PSMD8: variants seen among roughly 807,000 people sequenced by gnomAD.
PSMD8 encodes the protein proteasome 26S subunit, non-ATPase 8.
In PSMD8, 30 loss-of-function variants were observed where a neutral mutation model predicts 40.0. The observed-to-expected ratio is 0.75, with a 90% confidence interval of 0.56 to 1.02. The LOEUF is 1.02. PSMD8 is among the 50% of genes least tolerant of loss of function. The pLI, the probability that PSMD8 is intolerant of heterozygous loss-of-function variation, is 0.00. For missense variants in PSMD8, 461 were observed against 463.9 expected, an observed-to-expected ratio of 0.99 and a Z score of 0.06; for synonymous variants, 208 against 192.5, an observed-to-expected ratio of 1.08 and a Z score of -0.67.
At chr19:38,383,227 C>G in intron 6 of PSMD8, 26 bp from the exon 7 acceptor site, 3 of 1,611,964 alleles carry the variant, frequency 1.9e-6, no homozygotes, top group Non-Finnish European at 1.7e-6. Context: ...TCACTCTACT[C>G]GTCTCTAATC....
chr19:38,383,227 C>A lies in PSMD8; in HGVS notation c.916-26C>A, dbSNP rs140221696. On this transcript the variant is annotated intron_variant, in intron 6 of 6. Coordinates refer to ENST00000215071, the MANE Select transcript of PSMD8 (RefSeq NM_002812.5). ...ATGGAGCCTTTGTGATCACTCTACT[C>A]GTCTCTAATCCCTCCTTTCCTGCAG... is the stretch of plus-strand genomic sequence containing the variant. 1.3e-3 allele frequency: 2,148 copies of A among 1,611,960 alleles called. 30 individuals carry two copies. In the African/African-American group the frequency reaches 0.025, roughly 19 times the overall value.
chr19:38,382,367 G>A (rs1970648161), intron 6 of PSMD8, 139 bp downstream of exon 6: 2 of 701,538 alleles, frequency 2.9e-6, no homozygotes, highest in Non-Finnish European at 5.1e-6. Flanking sequence ...AGCTGCCAAA[G>A]CTCTCTGACA....
chr19:38,376,212 A>G lies in PSMD8; in HGVS notation c.413A>G (p.Lys138Arg), dbSNP rs753001504. The G allele has an allele frequency of 1.3e-5, 21 of 1,605,680 alleles. No homozygotes were observed. Among genetic ancestry groups the G allele is most frequent in the Non-Finnish European group, 6.0e-6 (7 of 1,175,764 alleles). Residue 138 changes from lysine to arginine, a missense_variant, in exon 2 of 7, where the codon AAA (lysine) becomes AGA (arginine). Coordinates refer to ENST00000215071, the MANE Select transcript of PSMD8 (RefSeq NM_002812.5). ...FLPTTGTKLT[K>R]QQLILARDIL... is the part of the protein sequence containing the mutation. The stretch of plus-strand genomic sequence containing the variant: ...CCAACCACAGGGACCAAGCTGACCA[A>G]ACAGCAGCTAATTCTGGCCCGTGAG...
rs763228877 is a variant in PSMD8 at position 38,382,186 on chromosome 19, C to T, written c.873C>T (p.Leu291=). 1 of 1,596,868 alleles carries T rather than the reference C, an allele frequency of 6.3e-7. No homozygotes were observed. Among genetic ancestry groups the T allele is most frequent in the Non-Finnish European group, 8.5e-7 (1 of 1,172,116 alleles). ...TTTTCACTGAGGCCACCCGGATCCT[C>T]TTCTTCAACACACCCAAAAAGATGA... ...KILFTEATRI[L]FFNTPKKMTD... Residue 291 remains leucine (L), a synonymous_variant, in exon 6 of 7, where the codon CTC becomes CTT. Coordinates refer to ENST00000215071, the MANE Select transcript of PSMD8 (RefSeq NM_002812.5).
At position 38,376,192 on chromosome 19, in the gene PSMD8, C is replaced by G. The variant is rs376132803; in HGVS notation, c.393C>G (p.Thr131=). The G allele has an allele frequency of 3.1e-6, 5 of 1,609,526 alleles. No individual in the cohort carries two copies. In the African/African-American group the frequency reaches 5.3e-5, roughly 17 times the overall value. Residue 131 remains threonine (T), a synonymous_variant, in exon 2 of 7, where the codon ACC becomes ACG. Coordinates refer to ENST00000215071, the MANE Select transcript of PSMD8 (RefSeq NM_002812.5). The stretch of plus-strand genomic sequence containing the variant: ...TTCTGGAGCTCAACTTCTTGCCAAC[C>G]ACAGGGACCAAGCTGACCAAACAGC... ...LVLLELNFLP[T]TGTKLTKQQL...
In PSMD8 at chr19:38,383,534, T is replaced by C. The variant is rs1343909185; in HGVS notation, c.*144T>C. 1.7e-5 allele frequency: 19 copies of C among 1,129,144 alleles called. No individual in the cohort carries two copies. The highest frequency in any genetic ancestry group is 2.4e-5 in the Non-Finnish European group (19 of 798,052). 69.9% of individuals were successfully genotyped at this position (1,129,144 alleles called of 1,614,324 possible). A position where few individuals can be genotyped will look rare whatever the true frequency, so the allele number is the denominator to read the frequency against. On this transcript the variant is annotated 3_prime_UTR_variant, in exon 7 of 7. Coordinates refer to ENST00000215071, the MANE Select transcript of PSMD8 (RefSeq NM_002812.5). ...GACGGCAGAGAGACAAGTTCTTATA[T>C]CTGAAGAACTTGGAGGTTTTGGGGC...
chr19:38,376,259 G>T (rs768567863), intron 2 of PSMD8, 27 bp downstream of exon 2: 1 of 1,572,918 alleles, frequency 6.4e-7, no homozygotes, highest in South Asian at 1.2e-5. Context: ...TTGGTTGGGG[G>T]TGATAATCTG....
intron 1 of PSMD8, among the ~76,000 whole-genome samples, 190 bp from the exon 2 acceptor site, chr19:38,375,970 T>C (rs1444063922): frequency 6.6e-6 from 1 of 152,174 alleles, no homozygotes; most frequent in Non-Finnish European, 1.5e-5. Context: ...TGTAATGTGA[T>C]GTAATCTTAA....
intron 4 of PSMD8, among the ~76,000 whole-genome samples, chr19:38,380,104 A>G (rs1260490587): frequency 6.6e-6 from 1 of 152,246 alleles, no homozygotes; most frequent in Non-Finnish European, 1.5e-5. Flanking sequence ...CCTGGCCAAC[A>G]TGGTGAAACC....
At chr19:38,380,804 A>T in intron 4 of PSMD8, 95 bp from the exon 5 acceptor site, 2 of 975,554 alleles carry the variant, frequency 2.1e-6, no homozygotes, top group East Asian at 2.7e-5. Context: ...CAAAGGGATT[A>T]CAGGGGCACT....
intron 4 of PSMD8, among the ~76,000 whole-genome samples, chr19:38,380,439 G>A (rs1970629870): frequency 6.6e-6 from 1 of 152,176 alleles, no homozygotes; most frequent in South Asian, 2.1e-4. Flanking sequence ...AAAGCCTTAG[G>A]ACCTAAGGTT....
chr19:38,376,545 A>T, intron 3 of PSMD8, 91 bp downstream of exon 3: 1 of 1,130,288 alleles, frequency 8.8e-7, no homozygotes, highest in Non-Finnish European at 1.3e-6. Flanking sequence ...CTCTTCCTTC[A>T]TCTGGGAACT....
chr19:38,379,190 G>T (rs763415723), intron 3 of PSMD8, 50 bp from the exon 4 acceptor site: 48 of 1,577,300 alleles, frequency 3.0e-5, no homozygotes, highest in Non-Finnish European at 3.9e-5. Flanking sequence ...TAGAGGGCTC[G>T]CTAGGCCCTT....
intron 3 of PSMD8, among the ~76,000 whole-genome samples, chr19:38,377,732 T>C (rs1452888496): frequency 1.3e-5 from 2 of 150,930 alleles, no homozygotes; most frequent in African/African-American, 2.4e-5. Context: ...CAGGTTCAAG[T>C]GATTCTCCTG....
chr19:38,381,083 C>T (rs762504465), intron 5 of PSMD8, 84 bp downstream of exon 5: 13 of 1,123,104 alleles, frequency 1.2e-5, no homozygotes, highest in Non-Finnish European at 1.6e-5. Context: ...CTCATTCCAG[C>T]CATTGGTTGT....
intron 4 of PSMD8, 80 bp downstream of exon 4, chr19:38,379,485 G>A: frequency 1.4e-6 from 2 of 1,469,218 alleles, no homozygotes; most frequent in Admixed American, 1.8e-5. Context: ...TCCTGAAGGA[G>A]TGGCCAGGGT....
At chr19:38,375,697 G>GT (rs1426801787) in intron 1 of PSMD8, among the ~76,000 whole-genome samples, 1 of 152,184 alleles carries the variant, frequency 6.6e-6, no homozygotes, top group Non-Finnish European at 1.5e-5. Context: ...CCAAACATCT[G>GT]TTGGGAGGGA....
Position 38,376,191 on chromosome 19 carries a change from C to T in PSMD8, c.392C>T (p.Thr131Ile), listed in dbSNP as rs1480148484. The T allele has an allele frequency of 1.9e-6, 3 of 1,607,740 alleles. No individual in the cohort carries two copies. Among genetic ancestry groups the T allele is most frequent in the Non-Finnish European group, 2.5e-6 (3 of 1,176,730 alleles). The part of the protein sequence containing the change: ...LVLLELNFLP[T>I]TGTKLTKQQL... ...CTTCTGGAGCTCAACTTCTTGCCAA[C>T]CACAGGGACCAAGCTGACCAAACAG... The change falls in exon 2 of 7, where the codon ACC becomes ATC. Residue 131 changes from threonine to isoleucine, a missense_variant. Coordinates refer to ENST00000215071, the MANE Select transcript of PSMD8 (RefSeq NM_002812.5).
intron 3 of PSMD8, 31 bp from the exon 4 acceptor site, chr19:38,379,209 C>T (rs1302062442): frequency 6.2e-7 from 1 of 1,608,582 alleles, no homozygotes; most frequent in Non-Finnish European, 8.5e-7. Flanking sequence ...TTAAATCCTC[C>T]TTAACCTGCT....
Sources: allele counts gnomAD v4.1 joint callset (sites outside exome capture counted in the v4.1 genomes callset), GRCh38; gene constraint gnomAD v4.1.1; transcripts MANE v1.5; gene names NCBI Gene and HGNC (gene_info 2026-07-23, HGNC 2026-07-21).